SCN10A: variants seen among roughly 807,000 people sequenced by gnomAD.
SCN10A encodes sodium channel protein type 10 subunit alpha.
A neutral mutation model predicts 170.7 loss-of-function variants in SCN10A; 162 were observed. That is an observed-to-expected ratio of 0.95 (90% confidence interval 0.84 to 1.08). The LOEUF is 1.08. SCN10A is among the 50% of genes least tolerant of loss of function. The probability of loss-of-function intolerance (pLI) is 0.00; values close to 1 mark genes in which losing one functional copy is unlikely to be tolerated. For synonymous variants in SCN10A, 985 were observed against 904.6 expected, an observed-to-expected ratio of 1.09 and a Z score of -1.59; for missense variants, 2,527 against 2,436.9, an observed-to-expected ratio of 1.04 and a Z score of -0.78.
intron 13 of SCN10A, among the ~76,000 whole-genome samples, chr3:38,748,620 G>A (rs2063716897): frequency 6.6e-6 from 1 of 152,020 alleles, no homozygotes; most frequent in South Asian, 2.1e-4. Flanking sequence ...CCATGAAGAT[G>A]GCTCTTCTCT....
intron 1 of SCN10A, among the ~76,000 whole-genome samples, chr3:38,806,029 A>T (rs903220409): frequency 6.6e-6 from 1 of 152,150 alleles, no homozygotes. Context: ...GAGAGGAAGG[A>T]ATGGGTGAGA....
intron 5 of SCN10A, among the ~76,000 whole-genome samples, chr3:38,770,406 C>A (rs1203260604): frequency 6.6e-6 from 1 of 152,066 alleles, no homozygotes; most frequent in South Asian, 2.1e-4. Flanking sequence ...GACTCAGACC[C>A]TTCTTGGGTA....
chr3:38,701,986 T>C lies in SCN10A; in HGVS notation c.4510A>G (p.Lys1504Glu). Residue 1504 changes from lysine to glutamate, a missense_variant, in exon 27 of 28, where the codon AAG becomes GAG. Physicochemically the swap from Lys to Glu is moderately conservative, Grantham distance 56 (BLOSUM62 1). Coordinates refer to ENST00000449082, the MANE Select transcript of SCN10A (RefSeq NM_006514.4). ...MVETDDQSEEKTKILGKINQF... is the reference protein window; with the variant it reads ...MVETDDQSEEETKILGKINQF... ...TTGATTTTGCCCAGAATTTTCGTCT[T>C]TTCTTCACTTTGGTCATCAGTCTCC... The C allele has an allele frequency of 6.2e-7, 1 of 1,614,230 alleles. No individual in the cohort carries two copies. The highest frequency in any genetic ancestry group is 8.5e-7 in the Non-Finnish European group (1 of 1,180,026).
intron 1 of SCN10A, among the ~76,000 whole-genome samples, chr3:38,801,949 C>A (rs2064373690): frequency 6.6e-6 from 1 of 152,146 alleles, no homozygotes; most frequent in African/African-American, 2.4e-5. Flanking sequence ...GACATATCCC[C>A]TTTAATGCTC....
intron 13 of SCN10A, among the ~76,000 whole-genome samples, chr3:38,745,658 C>T (rs184218959): frequency 6.6e-6 from 1 of 152,142 alleles, no homozygotes; most frequent in East Asian, 1.9e-4. Flanking sequence ...TGACCTCTGC[C>T]TACCCTTTTA....
intron 1 of SCN10A, among the ~76,000 whole-genome samples, chr3:38,801,404 T>C (rs2064369688): frequency 6.6e-6 from 1 of 152,142 alleles, no homozygotes; most frequent in Admixed American, 6.5e-5. Flanking sequence ...TAAGAACCAA[T>C]GAAGGTCTGT....
chr3:38,722,946 C>A (rs2063410070), intron 19 of SCN10A, among the ~76,000 whole-genome samples: 1 of 152,190 alleles, frequency 6.6e-6, no homozygotes. Flanking sequence ...TCATTCATTG[C>A]ACAAATATTT....
At position 38,698,549 on chromosome 3, in the gene SCN10A, A is replaced by G. The variant is rs2063123613; in HGVS notation, c.4671T>C (p.Ser1557=). 1 of 1,610,036 alleles carries G rather than the reference A, an allele frequency of 6.2e-7. No individual in the cohort carries two copies. The highest frequency in any genetic ancestry group is 8.5e-7 in the Non-Finnish European group (1 of 1,176,656). Residue 1557 remains serine, a synonymous_variant, in exon 28 of 28, where the codon TCT becomes TCC. Coordinates refer to ENST00000449082, the MANE Select transcript of SCN10A (RefSeq NM_006514.4). ...AACTTTGAAGTGACTTAAGAATTGC[A>G]GAAAAAATCAGGCCTTTAAAAGAAG... ...VVLSIASLIF[S]AILKSLQSYF...
intron 4 of SCN10A, among the ~76,000 whole-genome samples, chr3:38,783,764 T>C (rs1243697533): frequency 2.0e-5 from 3 of 152,066 alleles, no homozygotes; most frequent in Non-Finnish European, 4.4e-5. Flanking sequence ...TGCTTACACC[T>C]TTACTAGATA....
chr3:38,772,513 C>T (rs899149461), intron 4 of SCN10A, among the ~76,000 whole-genome samples: 3 of 151,960 alleles, frequency 2.0e-5, no homozygotes, highest in Admixed American at 6.6e-5. Context: ...CGCGGTGAAA[C>T]CCCGTCTCTA....
At chr3:38,733,804 T>C (rs2063533759) in intron 15 of SCN10A, among the ~76,000 whole-genome samples, 1 of 152,034 alleles carries the variant, frequency 6.6e-6, no homozygotes, top group Non-Finnish European at 1.5e-5. Context: ...CACCGCAACC[T>C]CCGCCTCCCG....
At chr3:38,710,990 G>C in intron 23 of SCN10A, 93 bp from the exon 24 acceptor site, 1 of 1,058,684 alleles carries the variant, frequency 9.4e-7, no homozygotes, top group Non-Finnish European at 1.4e-6. Flanking sequence ...AGAGGAGAGA[G>C]TCCTGTGTTG....
At chr3:38,746,063 G>GTATGTATATA (rs1553619551) in intron 13 of SCN10A, among the ~76,000 whole-genome samples, 6 of 61,626 alleles carry the variant, frequency 9.7e-5, no homozygotes, top group Admixed American at 1.9e-4. Context: ...GTGTGTATGT[G>GTATGTATATA]TATATATATA....
intron 15 of SCN10A, 124 bp downstream of exon 15, chr3:38,739,391 G>T: frequency 1.2e-6 from 1 of 861,980 alleles, no homozygotes; most frequent in Non-Finnish European, 1.7e-6. Flanking sequence ...CCAGGAGTCA[G>T]ACCCTGCTCC....
chr3:38,748,350 G>C (rs1047251208), intron 13 of SCN10A, among the ~76,000 whole-genome samples: 4 of 152,160 alleles, frequency 2.6e-5, no homozygotes, highest in African/African-American at 9.7e-5. Context: ...ACACGTTGTT[G>C]TTGAGAAATG....
intron 21 of SCN10A, among the ~76,000 whole-genome samples, chr3:38,714,851 C>G (rs936320003): frequency 1.3e-5 from 2 of 152,188 alleles, no homozygotes; most frequent in Non-Finnish European, 2.9e-5. Flanking sequence ...CTGCTAGGAA[C>G]TTTGAAGGTG....
chr3:38,807,226 C>T (rs2064409936), intron 1 of SCN10A, among the ~76,000 whole-genome samples: 1 of 152,032 alleles, frequency 6.6e-6, no homozygotes, highest in Non-Finnish European at 1.5e-5. Context: ...AATTATTTGC[C>T]ATTTATAAAG....
chr3:38,736,359 C>CACTGTGTG (rs1224815377), intron 15 of SCN10A, among the ~76,000 whole-genome samples: 1,075 of 91,434 alleles, frequency 0.012, 8 homozygotes, highest in Middle Eastern at 0.026. Flanking sequence ...AATAGGGAAA[C>CACTGTGTG]TCTGTGTGTG....
At chr3:38,768,841 T>A (rs1300239758) in intron 5 of SCN10A, among the ~76,000 whole-genome samples, 1 of 152,228 alleles carries the variant, frequency 6.6e-6, no homozygotes, top group Admixed American at 6.5e-5. Flanking sequence ...TTCCCTCAAA[T>A]AAGTTTTCCA....
Sources: gnomAD v4.1 joint callset for allele counts (sites outside exome capture counted in the v4.1 genomes callset) on GRCh38, gnomAD v4.1.1 for gene constraint, MANE v1.5 for transcripts, NCBI Gene and HGNC (gene_info 2026-07-23, HGNC 2026-07-21) for gene names.